SV2B: variants seen among roughly 807,000 people sequenced by gnomAD.
The protein encoded by SV2B is synaptic vesicle glycoprotein 2B.
A neutral mutation model predicts 73.9 loss-of-function variants in SV2B; 41 were observed. The observed-to-expected ratio is 0.56, with a 90% CI of 0.43 to 0.72. The LOEUF (loss-of-function observed/expected upper bound fraction) is 0.72, where lower values mean the gene tolerates loss of function less well. Among genes scored for constraint, SV2B ranks in the 30% least tolerant of loss-of-function variants. The pLI is 0.00. For synonymous variants in SV2B, 314 were observed against 314.2 expected, an observed-to-expected ratio of 1.00 and a Z score of 0.01; for missense variants, 764 against 857.8, an observed-to-expected ratio of 0.89 and a Z score of 1.37.
chr15:91,102,240 T>C (rs912244726), intron 1 of SV2B: 11 of 152,196 alleles, frequency 7.2e-5, no homozygotes, highest in African/African-American at 2.7e-4. Context: ...GTGTGTTACA[T>C]GCGCCTACAT....
rs1596619427 is a variant in SV2B, at chr15:91,224,078, G to A, written c.-391-1795G>A. 1.3e-5 allele frequency among the ~76,000 whole-genome samples: 2 copies of A among 152,242 alleles called. No individual in the cohort carries two copies. The highest frequency in any genetic ancestry group is 4.1e-4 in the South Asian group (2 of 4,834). Reference sequence around the variant, plus strand: ...TATTGTCTGAGTCAGATGGGTTTCAGTGCTGGAGTCTGTCCAGGGCTGAAG... The same window carrying A: ...TATTGTCTGAGTCAGATGGGTTTCAATGCTGGAGTCTGTCCAGGGCTGAAG... On this transcript the variant is annotated intron_variant, in intron 1 of 12. Coordinates refer to ENST00000394232, the MANE Select transcript of SV2B (RefSeq NM_001323032.3). This position sits in a 1 kb window ranked among gnomAD's most constrained non-coding sequence, Gnocchi z 4.9.
rs1383047616 is a variant in SV2B at position 91,266,563 on chromosome 15, T to C, written c.1009-19T>C. ...CAAAGTGGGGTTCAAATTCTCTATA[T>C]CCTATTTTTACTTTTCAGGTTTCCA... is the stretch of plus-strand genomic sequence containing the variant. On this transcript the variant is annotated intron_variant, in intron 6 of 12. Transcript: ENST00000394232. 6.3e-7 allele frequency: 1 copy of C among 1,588,984 alleles called. No individual in the cohort carries two copies. The highest frequency in any genetic ancestry group is 1.1e-5 in the South Asian group (1 of 90,352).
At chr15:91,119,552 T>C (rs934552859) in intron 1 of SV2B, among the ~76,000 whole-genome samples, 2 of 152,256 alleles carry the variant, frequency 1.3e-5, no homozygotes, top group African/African-American at 4.8e-5. Context: ...GCCAGGTGGC[T>C]GGTTTCCTTA....
In SV2B at chr15:91,258,693, C is replaced by A; in HGVS notation, c.918+139C>A. On this transcript the variant is annotated intron_variant, in intron 5 of 12. Transcript: ENST00000394232. The surrounding 1 kb of genome is among the most constrained non-coding windows in gnomAD (Gnocchi z 4.7). ...ACTCTCCCCTGGTCGGCTGACCTCA[C>A]TCATCATTGAATCTGGCACCTGCCG... 7.9e-7 allele frequency: 1 copy of A among 1,260,464 alleles called. No homozygotes were observed. Among genetic ancestry groups the A allele is most frequent in the Non-Finnish European group, 1.1e-6 (1 of 927,586 alleles). The allele number at this position is 1,260,464 out of a possible 1,614,324, so 78.1% of individuals were successfully genotyped here.
In SV2B at chr15:91,302,144, C is replaced by T. The variant is rs1170282656; in HGVS notation, c.*9592C>T. Among the ~76,000 whole-genome samples the T allele has an allele frequency of 6.6e-6, 1 of 152,216 alleles. No individual in the cohort carries two copies. The highest frequency in any genetic ancestry group is 1.5e-5 in the Non-Finnish European group (1 of 68,042). ...CATTTTCCCTATGCATTGTGACTAA[C>T]ACAGTATTTGATACGTAGTAGGTCT... is the stretch of plus-strand genomic sequence containing the variant. On this transcript the variant is annotated 3_prime_UTR_variant, in exon 13 of 13. Transcript: ENST00000394232.
In SV2B at chr15:91,292,644, C is replaced by A; in HGVS notation, c.*92C>A. On this transcript the variant is annotated 3_prime_UTR_variant, in exon 13 of 13. Coordinates refer to ENST00000394232, the MANE Select transcript of SV2B (RefSeq NM_001323032.3). ...CTGCCTATCACGGTCCGGAGGACAC[C>A]TTGGATAGCACGGGAGGAGAAGTTG... 1 of 1,448,314 alleles carries A rather than the reference C, an allele frequency of 6.9e-7. No homozygotes were observed. The allele number at this position is 1,448,314 out of a possible 1,614,324, so 89.7% of individuals were successfully genotyped here.
chr15:91,160,404 T>G (rs149421068), intron 1 of SV2B, among the ~76,000 whole-genome samples: 9,956 of 152,244 alleles, frequency 0.065, 434 homozygotes, highest in Non-Finnish European at 0.089. Context: ...GGCCAGGAGT[T>G]TGAGACCAGC....
At chr15:91,215,259 C>T (rs979569415) in intron 1 of SV2B, among the ~76,000 whole-genome samples, 1 of 152,210 alleles carries the variant, frequency 6.6e-6, no homozygotes, top group Non-Finnish European at 1.5e-5. Flanking sequence ...CACAATGAAA[C>T]TGTTTCCTGG....
rs371530359 is a variant in SV2B, at chr15:91,299,540, G to A, written c.*6988G>A. The A allele has an allele frequency of 2.0e-5, 3 of 152,302 alleles. No individual in the cohort carries two copies. The highest frequency in any genetic ancestry group is 1.9e-4 in the East Asian group (1 of 5,194). 9.4% of individuals were successfully genotyped at this position (152,302 alleles called of 1,614,324 possible). A position where few individuals can be genotyped will look rare whatever the true frequency, so the allele number is the denominator to read the frequency against. On this transcript the variant is annotated 3_prime_UTR_variant, in exon 13 of 13. Transcript: ENST00000394232. ...AGTGCATTGCTGAGTTATAACAAGT[G>A]TCTCAGGACGAGGATATTTGGTAGG...
chr15:91,291,054 T>G (rs2049023681), intron 12 of SV2B, among the ~76,000 whole-genome samples: 1 of 148,492 alleles, frequency 6.7e-6, no homozygotes, highest in Non-Finnish European at 1.5e-5. Context: ...TTATATATAA[T>G]TATGATAATA....
chr15:91,221,112 C>T (rs1345808185), intron 1 of SV2B, among the ~76,000 whole-genome samples: 1 of 152,044 alleles, frequency 6.6e-6, no homozygotes, highest in African/African-American at 2.4e-5. Context: ...GCAATCCTCC[C>T]ACCTCAGCCT....
chr15:91,222,840 A>G (rs1368172459), intron 1 of SV2B, among the ~76,000 whole-genome samples: 1 of 152,252 alleles, frequency 6.6e-6, no homozygotes, highest in African/African-American at 2.4e-5. Context: ...GGTATTGCTT[A>G]TAAAATGCTC....
At position 91,302,094 on chromosome 15, in the gene SV2B, C is replaced by G. The variant is rs1252026021; in HGVS notation, c.*9542C>G. Among the ~76,000 whole-genome samples, 2 of 152,202 alleles carry G rather than the reference C, an allele frequency of 1.3e-5. No homozygotes were observed. Among genetic ancestry groups the G allele is most frequent in the African/African-American group, 4.8e-5 (2 of 41,442 alleles). Reference sequence around the variant, plus strand: ...CACCATCTTAATGTAGAGGATCCCACAAGACTGTGACCTAATAAAACCCTC... The same window carrying G: ...CACCATCTTAATGTAGAGGATCCCAGAAGACTGTGACCTAATAAAACCCTC... On this transcript the variant is annotated 3_prime_UTR_variant, in exon 13 of 13. Coordinates refer to ENST00000394232, the MANE Select transcript of SV2B (RefSeq NM_001323032.3).
In SV2B at chr15:91,121,836, G is replaced by A. The variant is rs892662478; in HGVS notation, c.-392+21473G>A. On this transcript the variant is annotated intron_variant, in intron 1 of 12. Transcript: ENST00000394232. This position sits in a 1 kb window ranked among gnomAD's most constrained non-coding sequence, Gnocchi z 4.4. ...GTCACCCAGGCTGGAGTGCAGTGGC[G>A]CGATCTCGGCTCACTGCAAGCTCTG... is the stretch of plus-strand genomic sequence containing the variant. Among the ~76,000 whole-genome samples the A allele has an allele frequency of 3.3e-5, 5 of 150,708 alleles. No individual in the cohort carries two copies. The highest frequency in any genetic ancestry group is 7.4e-5 in the Non-Finnish European group (5 of 67,794).
rs1284147708 is a variant in SV2B at position 91,258,265 on chromosome 15, AAGCTTCGGAGGCAC to A, written c.785-151_785-138del. Reference sequence around the variant, plus strand: ...CTCCTATCCCAGGCTTATGACTCAGAAGCTTCGGAGGCACAGCTGAGGAGTCTGCATTTTAACCA... The same window carrying A: ...CTCCTATCCCAGGCTTATGACTCAGAAGCTGAGGAGTCTGCATTTTAACCA... On this transcript the variant is annotated intron_variant, in intron 4 of 12. Coordinates refer to ENST00000394232, the MANE Select transcript of SV2B (RefSeq NM_001323032.3). The surrounding 1 kb of genome is among the most constrained non-coding windows in gnomAD (Gnocchi z 4.7). Among the ~76,000 whole-genome samples, 3 of 152,178 alleles carry A rather than the reference AAGCTTCGGAGGCAC, an allele frequency of 2.0e-5. No homozygotes were observed. Among genetic ancestry groups the A allele is most frequent in the Non-Finnish European group, 4.4e-5 (3 of 68,042 alleles).
intron 9 of SV2B, among the ~76,000 whole-genome samples, chr15:91,278,808 C>T (rs553929783): frequency 3.4e-4 from 51 of 151,752 alleles, no homozygotes; most frequent in Non-Finnish European, 6.3e-4. Context: ...TTTGATTTAC[C>T]TCAGATTAGG....
At chr15:91,190,073 AT>A (rs1221726540) in intron 1 of SV2B, among the ~76,000 whole-genome samples, 3 of 152,180 alleles carry the variant, frequency 2.0e-5, no homozygotes, top group Non-Finnish European at 2.9e-5. Context: ...ATTTCATATT[AT>A]ATTTTCTTGT....
In SV2B at chr15:91,291,473, G is replaced by GTTT. The variant is rs1490638400; in HGVS notation, c.1869-896_1869-895insTTT. 2.4e-4 allele frequency among the ~76,000 whole-genome samples: 37 copies of GTTT among 152,310 alleles called. 1 individual carries two copies. In the East Asian group the frequency reaches 6.8e-3, roughly 28 times the overall value. Reference sequence around the variant, plus strand: ...AGAAACGCTTTATTTCAGTTGGGGAGAGGTAGCATTGGGAATATTGCCTCT... The same window carrying GTTT: ...AGAAACGCTTTATTTCAGTTGGGGAGTTTAGGTAGCATTGGGAATATTGCCTCT... On this transcript the variant is annotated intron_variant, in intron 12 of 12. Transcript: ENST00000394232.
intron 1 of SV2B, among the ~76,000 whole-genome samples, chr15:91,152,744 A>G (rs949834715): frequency 1.3e-5 from 2 of 152,200 alleles, no homozygotes; most frequent in Non-Finnish European, 2.9e-5. Flanking sequence ...AAGGAAACAG[A>G]AAGGAAAGAG....
Sources: gnomAD v4.1 joint callset for allele counts (sites outside exome capture counted in the v4.1 genomes callset) on GRCh38, gnomAD v4.1.1 for gene constraint, Gnocchi (gnomAD v3.1) non-coding constraint, MANE v1.5 for transcripts, NCBI Gene and HGNC (gene_info 2026-07-23, HGNC 2026-07-21) for gene names.